The following SNX8 variants were observed in gnomAD, a reference collection of about 807,000 sequenced individuals.
The protein encoded by SNX8 is sorting nexin 8.
Under a neutral mutation model 51.6 loss-of-function variants are expected in SNX8, and 25 were observed. The ratio of observed to expected loss-of-function variants is 0.48; its 90% CI spans 0.35 to 0.68. The LOEUF (loss-of-function observed/expected upper bound fraction) is 0.68, where lower values mean the gene tolerates loss of function less well. SNX8 is among the 30% of genes least tolerant of loss of function. The pLI, the probability that SNX8 is intolerant of heterozygous loss-of-function variation, is 0.00. For synonymous variants in SNX8, 324 were observed against 277.0 expected (o/e 1.17, Z -1.68); for missense variants, 695 against 624.0 (o/e 1.11, Z -1.21).
intron 1 of SNX8, among the ~76,000 whole-genome samples, chr7:2,302,831 G>A (rs1228629624): frequency 4.7e-5 from 7 of 149,832 alleles, no homozygotes; most frequent in East Asian, 2.0e-4. Context: ...CTGCCCGGCC[G>A]CCCCGTCTGA....
intron 1 of SNX8, among the ~76,000 whole-genome samples, chr7:2,347,135 G>A (rs1185318823): frequency 3.3e-5 from 5 of 151,800 alleles, no homozygotes; most frequent in African/African-American, 1.2e-4. Context: ...GACCAGCTGG[G>A]GCAACATAGC....
intron 2 of SNX8, among the ~76,000 whole-genome samples, chr7:2,275,688 C>T (rs1273924581): frequency 6.6e-6 from 1 of 150,392 alleles, no homozygotes; most frequent in Non-Finnish European, 1.5e-5. Flanking sequence ...GACGACAAAG[C>T]GAGACCTTGT....
At chr7:2,335,571 G>A (rs1778811660) in intron 1 of SNX8, among the ~76,000 whole-genome samples, 1 of 152,196 alleles carries the variant, frequency 6.6e-6, no homozygotes, top group African/African-American at 2.4e-5. Context: ...GGGAGGCCGA[G>A]GCGGGCGTAT....
intron 2 of SNX8, among the ~76,000 whole-genome samples, chr7:2,277,572 G>A (rs149801798): frequency 1.3e-5 from 2 of 152,046 alleles, no homozygotes; most frequent in South Asian, 2.1e-4. Flanking sequence ...AGGCCGAGGC[G>A]GGTGGATCAT....
At chr7:2,264,529 TC>T in intron 5 of SNX8, 71 bp from the exon 6 acceptor site, 1 of 1,505,540 alleles carries the variant, frequency 6.6e-7, no homozygotes, top group Non-Finnish European at 9.0e-7. Flanking sequence ...CAGCAGCCGG[TC>T]CCCCAGAAGC....
chr7:2,308,376 T>C (rs1194165889), intron 1 of SNX8, among the ~76,000 whole-genome samples: 3 of 151,878 alleles, frequency 2.0e-5, no homozygotes, highest in African/African-American at 7.3e-5. Context: ...ACTACCAAAA[T>C]ATGTGTCATG....
At chr7:2,353,579 G>A (rs1248580310) in intron 1 of SNX8, among the ~76,000 whole-genome samples, 1 of 151,906 alleles carries the variant, frequency 6.6e-6, no homozygotes, top group African/African-American at 2.4e-5. Context: ...ACCGCGCAGG[G>A]CCTAGCCATT....
chr7:2,263,586 G>A (rs994286551), intron 6 of SNX8, among the ~76,000 whole-genome samples: 1 of 152,204 alleles, frequency 6.6e-6, no homozygotes, highest in Non-Finnish European at 1.5e-5. Flanking sequence ...TTCCCAACCA[G>A]CCCCCAGGTG....
chr7:2,297,534 G>T (rs1287984394), intron 1 of SNX8, among the ~76,000 whole-genome samples: 1 of 95,370 alleles, frequency 1.0e-5, no homozygotes, highest in Non-Finnish European at 2.0e-5. Flanking sequence ...TGGGCAACAG[G>T]AGCAAAACCC....
intron 1 of SNX8, among the ~76,000 whole-genome samples, chr7:2,297,737 A>G (rs1467324107): frequency 1.3e-5 from 2 of 151,792 alleles, no homozygotes; most frequent in African/African-American, 2.4e-5. Flanking sequence ...TGTCTTTTGC[A>G]GCAACTTGGA....
chr7:2,344,509 G>C (rs903871019), intron 1 of SNX8, among the ~76,000 whole-genome samples: 1 of 152,010 alleles, frequency 6.6e-6, no homozygotes, highest in Non-Finnish European at 1.5e-5. Context: ...CTACTTGGGA[G>C]GCTGAGGCAG....
chr7:2,314,444 C>G, upstream of SNX8: 1 of 1,207,174 alleles, frequency 8.3e-7, no homozygotes, highest in Non-Finnish European at 1.0e-6. Flanking sequence ...TCCCACGTGA[C>G]TTCCTCCCGC....
At chr7:2,277,367 T>C (rs1795803686) in intron 2 of SNX8, among the ~76,000 whole-genome samples, 1 of 152,194 alleles carries the variant, frequency 6.6e-6, no homozygotes, top group Non-Finnish European at 1.5e-5. Flanking sequence ...GATCCTGCCA[T>C]GCAAATTTCA....
intron 5 of SNX8, among the ~76,000 whole-genome samples, chr7:2,268,445 G>C (rs1306832284): frequency 1.4e-5 from 2 of 144,104 alleles, no homozygotes; most frequent in African/African-American, 2.6e-5. Context: ...ATCCGGGAGG[G>C]AGGTGGGGGG....
intron 1 of SNX8, among the ~76,000 whole-genome samples, chr7:2,290,288 G>A (rs1402705221): frequency 6.6e-6 from 1 of 152,114 alleles, no homozygotes; most frequent in Non-Finnish European, 1.5e-5. Context: ...ATCACTGGAG[G>A]CCTGGAGTTC....
intron 1 of SNX8, among the ~76,000 whole-genome samples, chr7:2,342,222 G>A (rs1415528938): frequency 1.3e-5 from 2 of 151,378 alleles, no homozygotes; most frequent in African/African-American, 4.8e-5. Context: ...ATAAATAAAT[G>A]TACTTCAGGT....
rs527337032 is a variant in SNX8 at position 2,276,146 on chromosome 7, G to A, written c.301-917C>T. ...GGCAATGAATTTACTTAAGGGACGG[G>A]CAGCTTAGTAAGACTGGACAAAAGG... On this transcript the variant is annotated intron_variant, in intron 2 of 10. Transcript: ENST00000222990. 1.1e-4 allele frequency among the ~76,000 whole-genome samples: 17 copies of A among 152,306 alleles called. No individual in the cohort carries two copies. In the South Asian group the frequency reaches 3.5e-3, roughly 32 times the overall value.
rs1795657725 is a variant in SNX8, at chr7:2,271,980, GCA to G, written c.419-11_419-10del. 6.2e-7 allele frequency: 1 copy of G among 1,613,736 alleles called. No individual in the cohort carries two copies. Among genetic ancestry groups the G allele is most frequent in the Admixed American group, 1.7e-5 (1 of 60,004 alleles). On this transcript the variant is annotated splice_polypyrimidine_tract_variant and intron_variant, in intron 3 of 10. Coordinates refer to ENST00000222990, the MANE Select transcript of SNX8 (RefSeq NM_013321.4). ...GATGAACTCCCTGTCAGCTGGAGGAGCACACGGGGTCACTGGACAGAGTCCAG... is the reference window on the plus strand; with the variant it reads ...GATGAACTCCCTGTCAGCTGGAGGAGCACGGGGTCACTGGACAGAGTCCAG...
chr7:2,317,540 G>A (rs989570761), upstream of SNX8, among the ~76,000 whole-genome samples: 1 of 151,914 alleles, frequency 6.6e-6, no homozygotes, highest in Admixed American at 6.6e-5. Flanking sequence ...GCCTTCCAAA[G>A]TGCTGGGATT....
Sources: gnomAD v4.1 joint callset for allele counts (sites outside exome capture counted in the v4.1 genomes callset) on GRCh38, gnomAD v4.1.1 for gene constraint, MANE v1.5 for transcripts, NCBI Gene and HGNC (gene_info 2026-07-23, HGNC 2026-07-21) for gene names.